The following XKR4 variants were observed in gnomAD, a reference collection of about 807,000 sequenced individuals.
The protein encoded by XKR4 is XK related 4.
A neutral mutation model predicts 53.9 loss-of-function variants in XKR4; 12 were observed. That is an observed-to-expected ratio of 0.22 (90% CI 0.14 to 0.36). The LOEUF is 0.36. XKR4 is among the 10% of genes least tolerant of loss of function. The pLI is 1.00. For missense variants in XKR4, 799 were observed against 859.5 expected (o/e 0.93, Z 0.88); for synonymous variants, 354 against 362.4 (o/e 0.98, Z 0.26).
intron 2 of XKR4, among the ~76,000 whole-genome samples, chr8:55,375,126 T>C (rs758824916): frequency 3.9e-5 from 6 of 152,386 alleles, no homozygotes; most frequent in Non-Finnish European, 8.8e-5. Flanking sequence ...CTTTGCTGTC[T>C]TCACACAGCG....
chr8:55,481,999 G>A (rs557502014), intron 2 of XKR4, among the ~76,000 whole-genome samples: 1 of 152,244 alleles, frequency 6.6e-6, no homozygotes, highest in African/African-American at 2.4e-5. Context: ...GATTCCTCAG[G>A]GAACTAGAAG....
At chr8:55,207,812 T>C (rs764104628) in intron 1 of XKR4, among the ~76,000 whole-genome samples, 2 of 152,110 alleles carry the variant, frequency 1.3e-5, no homozygotes, top group Non-Finnish European at 2.9e-5. Flanking sequence ...GGCCATGTGA[T>C]TAAATCTAAG....
chr8:55,285,982 C>T (rs1585987019), intron 1 of XKR4, among the ~76,000 whole-genome samples: 2 of 152,320 alleles, frequency 1.3e-5, no homozygotes, highest in Middle Eastern at 6.8e-3. Context: ...AAAGCAGGCT[C>T]ACAGGAATTC....
chr8:55,300,963 C>T (rs1389918229), intron 1 of XKR4, among the ~76,000 whole-genome samples: 2 of 152,042 alleles, frequency 1.3e-5, no homozygotes, highest in Admixed American at 1.3e-4. Context: ...GTGTTTCTCA[C>T]TGTTCTCATC....
At chr8:55,278,335 TA>T (rs202025635) in intron 1 of XKR4, among the ~76,000 whole-genome samples, 91,229 of 123,518 alleles carry the variant, frequency 0.74, 34,909 homozygotes, top group Non-Finnish European at 0.88. Flanking sequence ...AGATCCTGTC[TA>T]AAAAAAAAAA....
intron 1 of XKR4, among the ~76,000 whole-genome samples, chr8:55,310,493 T>G (rs1042684337): frequency 1.3e-5 from 2 of 152,238 alleles, no homozygotes; most frequent in African/African-American, 4.8e-5. Flanking sequence ...TGTTTACTAT[T>G]GTGTTTAAAA....
chr8:55,245,542 CT>C (rs1818273495), intron 1 of XKR4, among the ~76,000 whole-genome samples: 1 of 152,138 alleles, frequency 6.6e-6, no homozygotes, highest in Non-Finnish European at 1.5e-5. Context: ...GATTGCATCG[CT>C]GTTTTCTTTG....
rs942176758 is a variant in XKR4 at position 55,525,467 on chromosome 8, A to G, written c.*1240A>G. 1 of 152,644 alleles carries G rather than the reference A, an allele frequency of 6.6e-6. No individual in the cohort carries two copies. Among genetic ancestry groups the G allele is most frequent in the Non-Finnish European group, 1.5e-5 (1 of 68,046 alleles). 9.5% of individuals were successfully genotyped at this position (152,644 alleles called of 1,614,324 possible). A position where few individuals can be genotyped will look rare whatever the true frequency, so the allele number is the denominator to read the frequency against. Reference sequence around the variant, plus strand: ...AGCAGACAAATGCAATGAATATGCTATGAAAAAACCCTTCTGAACTGAGAG... The same window carrying G: ...AGCAGACAAATGCAATGAATATGCTGTGAAAAAACCCTTCTGAACTGAGAG... On this transcript the variant is annotated 3_prime_UTR_variant, in exon 3 of 3. Coordinates refer to ENST00000327381, the MANE Select transcript of XKR4 (RefSeq NM_052898.2).
chr8:55,145,682 TAA>T (rs1409054081), intron 1 of XKR4, among the ~76,000 whole-genome samples: 1 of 152,228 alleles, frequency 6.6e-6, no homozygotes, highest in East Asian at 1.9e-4. Flanking sequence ...TTCAAGAACC[TAA>T]AAGAGATTTA....
At chr8:55,261,096 G>A (rs930402424) in intron 1 of XKR4, among the ~76,000 whole-genome samples, 19 of 152,182 alleles carry the variant, frequency 1.2e-4, no homozygotes, top group Admixed American at 1.2e-3. Context: ...AAGGTGAGAT[G>A]TTAGGGGAAC....
intron 1 of XKR4, among the ~76,000 whole-genome samples, chr8:55,260,120 GC>G (rs1204838774): frequency 6.6e-6 from 1 of 152,188 alleles, no homozygotes; most frequent in Non-Finnish European, 1.5e-5. Context: ...AACACCTAAA[GC>G]AGTACCAGGC....
At chr8:55,141,156 A>G (rs928395588) in intron 1 of XKR4, among the ~76,000 whole-genome samples, 5 of 152,132 alleles carry the variant, frequency 3.3e-5, no homozygotes, top group African/African-American at 1.2e-4. Context: ...GCCCTAAGCA[A>G]CCACTAATCT....
In XKR4 at chr8:55,357,732, C is replaced by G. The variant is rs754425322; in HGVS notation, c.861C>G (p.Asp287Glu). The G allele has an allele frequency of 6.8e-6, 11 of 1,614,174 alleles. No homozygotes were observed. The highest frequency in any genetic ancestry group is 9.3e-6 in the Non-Finnish European group (11 of 1,180,038). ...GAAGCCGACAGAGTGGGGAGAATGACAGATGGAGGTTTTACTGGAAAATGG... is the reference window on the plus strand; with the variant it reads ...GAAGCCGACAGAGTGGGGAGAATGAGAGATGGAGGTTTTACTGGAAAATGG... The part of the protein sequence containing the change: ...GIRSRQSGEN[D>E]RWRFYWKMVY... The change falls in exon 2 of 3, where the codon GAC (aspartate) becomes GAG (glutamate). Residue 287 changes from aspartate to glutamate, a missense_variant. Around this residue, in one of 3 missense-constraint regions of XKR4, gnomAD observed 476 missense variants for 505.4 expected, o/e 0.94. Transcript: ENST00000327381.
At chr8:55,309,248 C>A (rs1237647785) in intron 1 of XKR4, among the ~76,000 whole-genome samples, 1 of 152,228 alleles carries the variant, frequency 6.6e-6, no homozygotes, top group Non-Finnish European at 1.5e-5. Context: ...AAAGCACCAA[C>A]ACTCACAACA....
intron 2 of XKR4, among the ~76,000 whole-genome samples, chr8:55,398,278 G>A (rs1804552508): frequency 6.6e-6 from 1 of 152,132 alleles, no homozygotes; most frequent in South Asian, 2.1e-4. Context: ...GAGGAGGACT[G>A]CCATGGGCCA....
intron 2 of XKR4, among the ~76,000 whole-genome samples, chr8:55,373,706 A>G (rs1451269559): frequency 1.3e-5 from 2 of 152,220 alleles, no homozygotes; most frequent in Non-Finnish European, 2.9e-5. Context: ...TTTAACAAAG[A>G]CTTTTGGAAT....
chr8:55,430,412 C>T (rs559389757), intron 2 of XKR4, among the ~76,000 whole-genome samples: 1 of 152,094 alleles, frequency 6.6e-6, no homozygotes, highest in Non-Finnish European at 1.5e-5. Flanking sequence ...TTCCTTCAAC[C>T]GGTGCATTAA....
intron 2 of XKR4, among the ~76,000 whole-genome samples, chr8:55,419,773 G>A (rs1390664314): frequency 2.0e-5 from 3 of 152,156 alleles, no homozygotes; most frequent in African/African-American, 7.2e-5. Context: ...GTTTTTGTTT[G>A]GGTTTTGTTC....
chr8:55,511,464 C>G (rs1585613182), intron 2 of XKR4, among the ~76,000 whole-genome samples: 1 of 152,152 alleles, frequency 6.6e-6, no homozygotes, highest in Non-Finnish European at 1.5e-5. Context: ...CCCCTTGCCC[C>G]CAAGTCCTTC....
Sources: gnomAD v4.1 joint callset for allele counts (sites outside exome capture counted in the v4.1 genomes callset) on GRCh38, gnomAD v4.1.1 for gene constraint, gnomAD v4.1.1 regional missense constraint, MANE v1.5 for transcripts, NCBI Gene and HGNC (gene_info 2026-07-23, HGNC 2026-07-21) for gene names.